DYNC2H1: variants seen among roughly 807,000 people sequenced by gnomAD.
The protein encoded by DYNC2H1 is cytoplasmic dynein 2 heavy chain 1.
A neutral mutation model predicts 570.0 loss-of-function variants in DYNC2H1; 410 were observed. That is an observed-to-expected ratio of 0.72 (90% CI 0.66 to 0.78). DYNC2H1 has a LOEUF of 0.78. Among genes scored for constraint, DYNC2H1 ranks in the 30% least tolerant of loss-of-function variants. The probability of loss-of-function intolerance (pLI) is 0.00; values close to 1 mark genes in which losing one functional copy is unlikely to be tolerated. For missense variants in DYNC2H1, 4,865 were observed against 5,046.4 expected (o/e 0.96, Z 1.09); for synonymous variants, 1,688 against 1,677.6 (o/e 1.01, Z -0.15).
At chr11:103,219,858 T>C (rs980769619) in intron 55 of DYNC2H1, 57 bp from the exon 56 acceptor site, 12 of 991,830 alleles carry the variant, frequency 1.2e-5, no homozygotes, top group Non-Finnish European at 1.8e-5. Flanking sequence ...TTGGATTTCA[T>C]GCTTTTAAAT....
intron 83 of DYNC2H1, among the ~76,000 whole-genome samples, chr11:103,387,676 A>G (rs1319266790): frequency 4.6e-5 from 7 of 152,050 alleles, no homozygotes; most frequent in Non-Finnish European, 8.8e-5. Context: ...ATTAATTTTT[A>G]TATAAGGTGT....
At chr11:103,441,691 G>C (rs1944273549) in intron 85 of DYNC2H1, among the ~76,000 whole-genome samples, 1 of 152,014 alleles carries the variant, frequency 6.6e-6, no homozygotes, top group African/African-American at 2.4e-5. Context: ...ATATTCTGTA[G>C]TATTTCATTA....
intron 12 of DYNC2H1, among the ~76,000 whole-genome samples, chr11:103,127,079 T>C (rs1387433895): frequency 1.3e-5 from 2 of 152,198 alleles, no homozygotes; most frequent in Non-Finnish European, 2.9e-5. Flanking sequence ...ATAGAAGTAG[T>C]AGCAGGTAAG....
At chr11:103,112,375 G>A (rs75740111) in intron 1 of DYNC2H1, among the ~76,000 whole-genome samples, 246 of 152,294 alleles carry the variant, frequency 1.6e-3, no homozygotes, top group African/African-American at 5.5e-3. Flanking sequence ...TTAAGCAAGA[G>A]AGAGCTGTGA....
Position 103,245,457 on chromosome 11 carries a change from G to T in DYNC2H1, c.10042+83G>T. 15 of 1,395,066 alleles carry T rather than the reference G, an allele frequency of 1.1e-5. 2 individuals carry two copies. The Middle Eastern group carries it at 2.8e-3, about 263-fold the overall frequency. The allele number at this position is 1,395,066 out of a possible 1,614,324, so 86.4% of individuals were successfully genotyped here. On this transcript the variant is annotated intron_variant, in intron 65 of 88. Transcript: ENST00000375735. The surrounding 1 kb of genome is among the most constrained non-coding windows in gnomAD (Gnocchi z 4.5). ...TTAAACCAGGTGCAAGCTTTCAAGA[G>T]TCCTCTTCCAGTGGAGTCACACATG...
At chr11:103,282,062 G>A in intron 71 of DYNC2H1, 117 bp from the exon 72 acceptor site, 1 of 745,886 alleles carries the variant, frequency 1.3e-6, no homozygotes. Context: ...TGGTAAGATG[G>A]AAATGAGTAT....
chr11:103,455,586 G>A (rs1372952124), intron 86 of DYNC2H1, among the ~76,000 whole-genome samples: 1 of 152,090 alleles, frequency 6.6e-6, no homozygotes, highest in Non-Finnish European at 1.5e-5. Context: ...GAAGTCACAT[G>A]GACCTATGTA....
rs1862904267 is a variant in DYNC2H1, at chr11:103,205,892, A to G, written c.8454+928A>G. 6.6e-6 allele frequency among the ~76,000 whole-genome samples: 1 copy of G among 152,130 alleles called. No individual in the cohort carries two copies. The highest frequency in any genetic ancestry group is 2.4e-5 in the African/African-American group (1 of 41,448). ...GAGAACTAAGAGGAAACCAGTTAGG[A>G]TGGGGCTTTGTAAGCTACTACACTC... is the stretch of plus-strand genomic sequence containing the variant. On this transcript the variant is annotated intron_variant, in intron 52 of 88. Transcript: ENST00000375735. This position sits in a 1 kb window ranked among gnomAD's most constrained non-coding sequence, Gnocchi z 4.5.
At position 103,339,144 on chromosome 11, in the gene DYNC2H1, G is replaced by T. The variant is rs2135480204; in HGVS notation, c.12039+15154G>T. ...AGAATTCCCTGAGTTCCCAGGCAGA[G>T]TCTCTTGCTCTTCCCACTCTTTCCC... On this transcript the variant is annotated intron_variant, in intron 82 of 88. Coordinates refer to ENST00000375735, the MANE Select transcript of DYNC2H1 (RefSeq NM_001377.3). Among the ~76,000 whole-genome samples the T allele has an allele frequency of 1.3e-5, 2 of 152,134 alleles. 1 individual carries two copies. The highest frequency in any genetic ancestry group is 4.8e-5 in the African/African-American group (2 of 41,530).
chr11:103,231,456 A>T (rs537570453), intron 60 of DYNC2H1, 110 bp downstream of exon 60: 89 of 602,838 alleles, frequency 1.5e-4, no homozygotes, highest in Non-Finnish European at 2.4e-4. Flanking sequence ...ATGTCAGATG[A>T]TGCTGTGGGA....
At chr11:103,127,633 C>T (rs1859066085) in intron 12 of DYNC2H1, among the ~76,000 whole-genome samples, 1 of 152,202 alleles carries the variant, frequency 6.6e-6, no homozygotes, top group Non-Finnish European at 1.5e-5. Flanking sequence ...AATTAAGTTT[C>T]CTTAAATGCC....
At chr11:103,402,397 T>C (rs1415255823) in intron 84 of DYNC2H1, 2 of 152,180 alleles carry the variant, frequency 1.3e-5, no homozygotes, top group African/African-American at 4.8e-5. Context: ...AAATGTGCTT[T>C]CTTGGATAAT....
At chr11:103,437,920 A>T (rs636777) in intron 85 of DYNC2H1, among the ~76,000 whole-genome samples, 1 of 151,862 alleles carries the variant, frequency 6.6e-6, no homozygotes, top group Non-Finnish European at 1.5e-5. Context: ...ACAATTTTAC[A>T]TGAATTATTG....
chr11:103,221,264 G>T (rs938152757), intron 57 of DYNC2H1, among the ~76,000 whole-genome samples: 1 of 152,118 alleles, frequency 6.6e-6, no homozygotes, highest in Non-Finnish European at 1.5e-5. Context: ...GCAGGTTCAG[G>T]TTTCATGTTA....
chr11:103,212,921 A>G (rs1373313838), intron 54 of DYNC2H1, among the ~76,000 whole-genome samples: 7 of 152,178 alleles, frequency 4.6e-5, no homozygotes, highest in Non-Finnish European at 8.8e-5. Flanking sequence ...TGAGTGTATT[A>G]GATAAAATTC....
intron 75 of DYNC2H1, among the ~76,000 whole-genome samples, chr11:103,296,996 CT>C (rs1405700613): frequency 6.6e-6 from 1 of 151,728 alleles, no homozygotes; most frequent in Non-Finnish European, 1.5e-5. Context: ...GAGTACTTTT[CT>C]TTTTTACTAT....
At chr11:103,158,633 A>G in intron 26 of DYNC2H1, 44 bp from the exon 27 acceptor site, 15 of 1,470,914 alleles carry the variant, frequency 1.0e-5, no homozygotes, top group Non-Finnish European at 1.4e-5. Context: ...TTACCCCCCC[A>G]AATTGTTAAA....
intron 18 of DYNC2H1, 58 bp downstream of exon 18, chr11:103,143,453 A>T: frequency 1.3e-6 from 2 of 1,492,056 alleles, no homozygotes; most frequent in South Asian, 1.5e-5. Flanking sequence ...ATGGACAGTA[A>T]GGGAGCTCTC....
intron 10 of DYNC2H1, 74 bp from the exon 11 acceptor site, chr11:103,122,751 A>G (rs982714209): frequency 3.9e-5 from 49 of 1,269,218 alleles, no homozygotes; most frequent in Admixed American, 2.2e-4. Context: ...CAGATCAGAG[A>G]AGGGGACTCC....
Sources: allele counts gnomAD v4.1 joint callset (sites outside exome capture counted in the v4.1 genomes callset), GRCh38; gene constraint gnomAD v4.1.1; non-coding constraint Gnocchi (gnomAD v3.1); transcripts MANE v1.5; gene names NCBI Gene and HGNC (gene_info 2026-07-23, HGNC 2026-07-21).